The following MYO18B variants were observed in gnomAD, a reference collection of about 807,000 sequenced individuals.
MYO18B encodes unconventional myosin-XVIIIb.
In MYO18B, 204 loss-of-function variants were observed where a neutral mutation model predicts 273.0. That is an observed-to-expected ratio of 0.75 (90% CI 0.67 to 0.84). The LOEUF (loss-of-function observed/expected upper bound fraction) is 0.84, where lower values mean the gene tolerates loss of function less well. Among genes scored for constraint, MYO18B ranks in the 40% least tolerant of loss-of-function variants. The probability of loss-of-function intolerance (pLI) is 0.00; values close to 1 mark genes in which losing one functional copy is unlikely to be tolerated. For missense variants in MYO18B, 3,212 were observed against 3,287.6 expected, an observed-to-expected ratio of 0.98 and a Z score of 0.56; for synonymous variants, 1,330 against 1,305.7, an observed-to-expected ratio of 1.02 and a Z score of -0.40.
At chr22:25,891,967 G>T (rs1358373100) in intron 27 of MYO18B, among the ~76,000 whole-genome samples, 2 of 152,192 alleles carry the variant, frequency 1.3e-5, no homozygotes, top group Admixed American at 6.5e-5. Flanking sequence ...GACCTAGGCT[G>T]CATTTCAGCC....
chr22:25,888,511 C>T (rs73407533), intron 25 of MYO18B, among the ~76,000 whole-genome samples: 6,228 of 152,288 alleles, frequency 0.041, 424 homozygotes, highest in African/African-American at 0.14. Context: ...ATCCTCCTAC[C>T]TCAGCCTGTC....
At chr22:25,939,424 TC>T (rs1432774732) in intron 34 of MYO18B, among the ~76,000 whole-genome samples, 3 of 152,348 alleles carry the variant, frequency 2.0e-5, no homozygotes, top group Admixed American at 2.0e-4. Context: ...GGCAGACTCT[TC>T]GATCTTGCCC....
intron 34 of MYO18B, among the ~76,000 whole-genome samples, chr22:25,945,533 A>G (rs958556325): frequency 1.3e-5 from 2 of 152,188 alleles, no homozygotes; most frequent in Admixed American, 6.5e-5. Context: ...GCAGCTTCAA[A>G]TGCAAATTTA....
rs1354648588 is a variant in MYO18B at position 25,882,739 on chromosome 22, C to T, written c.4314+4691C>T. On this transcript the variant is annotated intron_variant, in intron 25 of 43. Transcript: ENST00000335473. ...TACTGGTTTATGTCGGTCACTTTTA[C>T]ATTAAAAAATTTTTAAATAGTTTTA... Among the ~76,000 whole-genome samples, 4 of 152,300 alleles carry T rather than the reference C, an allele frequency of 2.6e-5. No individual in the cohort carries two copies. In the East Asian group the frequency reaches 7.7e-4, roughly 29 times the overall value.
chr22:26,006,461 T>C, intron 42 of MYO18B: 1 of 316,934 alleles, frequency 3.2e-6, no homozygotes, highest in Non-Finnish European at 6.4e-6. Context: ...TAATCAGTGT[T>C]CTGGCTGCTT....
intron 11 of MYO18B, among the ~76,000 whole-genome samples, chr22:25,789,716 T>A (rs559379506): frequency 2.5e-4 from 38 of 151,652 alleles, no homozygotes; most frequent in African/African-American, 8.9e-4. Context: ...AAAACCAGAA[T>A]ACACACACAC....
chr22:26,036,463 A>G, the MYO18B span, among the ~76,000 whole-genome samples: 2 of 152,146 alleles, frequency 1.3e-5, no homozygotes, highest in Non-Finnish European at 2.9e-5. Context: ...TGTGTTCTAT[A>G]TGTGCAAGGA....
chr22:25,998,511 T>C (rs528118367), intron 40 of MYO18B, among the ~76,000 whole-genome samples: 1 of 152,310 alleles, frequency 6.6e-6, no homozygotes, highest in Non-Finnish European at 1.5e-5. Flanking sequence ...TGAGTGTAAG[T>C]TGGACATTTT....
the MYO18B span, among the ~76,000 whole-genome samples, chr22:26,039,629 G>T: frequency 1.3e-5 from 2 of 151,942 alleles, no homozygotes; most frequent in Non-Finnish European, 2.9e-5. Context: ...TTTTGTTTTA[G>T]TTATATATGT....
chr22:25,767,999 CTG>C (rs2086567096), intron 3 of MYO18B, 114 bp from the exon 4 acceptor site: 2 of 1,015,916 alleles, frequency 2.0e-6, no homozygotes, highest in African/African-American at 3.2e-5. Context: ...GCTCGAGCAT[CTG>C]TGGAAGGATG....
intron 7 of MYO18B, among the ~76,000 whole-genome samples, chr22:25,773,197 GTGATTGAGCTAT>G (rs1206960636): frequency 6.6e-6 from 1 of 152,178 alleles, no homozygotes; most frequent in Non-Finnish European, 1.5e-5. Context: ...TCAACCCATA[GTGATTGAGCTAT>G]TGATTGAGGG....
intron 39 of MYO18B, among the ~76,000 whole-genome samples, chr22:25,990,686 CAAAAAAAAA>C (rs745998234): frequency 2.6e-4 from 7 of 27,008 alleles, no homozygotes; most frequent in Admixed American, 9.5e-4. Flanking sequence ...GACTTTGTCT[CAAAAAAAAA>C]AAAAAAAAAA....
At chr22:25,915,435 C>T (rs1235611205) in intron 33 of MYO18B, among the ~76,000 whole-genome samples, 1 of 152,072 alleles carries the variant, frequency 6.6e-6, no homozygotes, top group African/African-American at 2.4e-5. Flanking sequence ...AATTGTGACA[C>T]AGTGGTAAGT....
At chr22:25,755,967 A>G (rs1183406307) in intron 1 of MYO18B, among the ~76,000 whole-genome samples, 2 of 150,044 alleles carry the variant, frequency 1.3e-5, no homozygotes, top group East Asian at 3.9e-4. Context: ...GCACGATGTC[A>G]GCTCACTGCA....
At chr22:25,743,955 C>T (rs1423265570) in intron 1 of MYO18B, among the ~76,000 whole-genome samples, 3 of 152,134 alleles carry the variant, frequency 2.0e-5, no homozygotes, top group African/African-American at 7.2e-5. Flanking sequence ...TGGGTTCATC[C>T]TAGACCTTTT....
intron 22 of MYO18B, among the ~76,000 whole-genome samples, chr22:25,871,335 G>T (rs917994051): frequency 1.3e-5 from 2 of 152,126 alleles, no homozygotes; most frequent in African/African-American, 4.8e-5. Context: ...TTTAACAGGG[G>T]GTGGCTGTCA....
rs768513046 is a variant in MYO18B, at chr22:25,823,534, T to C, written c.2551T>C (p.Trp851Arg). The C allele has an allele frequency of 6.2e-7, 1 of 1,613,812 alleles. No individual in the cohort carries two copies. Among genetic ancestry groups the C allele is most frequent in the Non-Finnish European group, 8.5e-7 (1 of 1,179,828 alleles). Residue 851 changes from tryptophan (W) to arginine (R), a missense_variant, in exon 13 of 44, where the codon TGG (tryptophan) becomes CGG (arginine). By Grantham distance (101) the Trp-to-Arg change is moderately radical. Transcript: ENST00000335473. ...TCGGAAGCAGTTCATGAGGTTTGAG[T>C]GGGCAAACTACGCAGCTGAGGCCCT... ...VGRKQFMRFE[W>R]ANYAAEALGC...
chr22:25,876,294 A>ATAAG lies in MYO18B; in HGVS notation c.4186_4187insTAAG (p.Ser1396IlefsTer8), dbSNP rs1441756938. ...GCTTGGTTCCCTCCAGCCTCTACTT[A>ATAAG]GTGCCACCATTGGAACTGAGCAGCT... On this transcript the variant is annotated frameshift_variant, in exon 24 of 44. Coordinates refer to ENST00000335473, the MANE Select transcript of MYO18B (RefSeq NM_032608.7). LOFTEE classifies it high-confidence loss of function. The ATAAG allele has an allele frequency of 6.2e-7, 1 of 1,613,498 alleles. No individual in the cohort carries two copies. The highest frequency in any genetic ancestry group is 8.5e-7 in the Non-Finnish European group (1 of 1,179,690).
intron 1 of MYO18B, among the ~76,000 whole-genome samples, chr22:25,755,213 A>T (rs1036331034): frequency 3.4e-5 from 5 of 148,332 alleles, no homozygotes; most frequent in Admixed American, 2.0e-4. Flanking sequence ...ATTTTATTTT[A>T]TTTTTTTTTT....
Sources: gnomAD v4.1 joint callset for allele counts (sites outside exome capture counted in the v4.1 genomes callset) on GRCh38, gnomAD v4.1.1 for gene constraint, MANE v1.5 for transcripts, NCBI Gene and HGNC (gene_info 2026-07-23, HGNC 2026-07-21) for gene names.